The following TRAF7 variants were observed in gnomAD, a reference collection of about 807,000 sequenced individuals.
TRAF7 encodes the protein E3 ubiquitin-protein ligase TRAF7.
Under a neutral mutation model 89.3 loss-of-function variants are expected in TRAF7, and 45 were observed. The observed-to-expected ratio is 0.50, with a 90% CI of 0.40 to 0.65. TRAF7 has a LOEUF of 0.65. Among genes scored for constraint, TRAF7 ranks in the 30% least tolerant of loss-of-function variants. The probability of loss-of-function intolerance (pLI) is 0.00; values close to 1 mark genes in which losing one functional copy is unlikely to be tolerated. For missense variants in TRAF7, 677 were observed against 918.1 expected (o/e 0.74, Z 3.39); for synonymous variants, 406 against 369.2 (o/e 1.10, Z -1.14).
Position 2,168,058 on chromosome 16 carries a change from C to G in TRAF7, c.140-19C>G. ...GCTGAGGGAGCCCCCACTGAGACGC[C>G]AGCCCTCTTGCCTTGCAGCTGACGG... On this transcript the variant is annotated intron_variant, in intron 3 of 20. Coordinates refer to ENST00000326181, the MANE Select transcript of TRAF7 (RefSeq NM_032271.3). This position sits in a 1 kb window ranked among gnomAD's most constrained non-coding sequence, Gnocchi z 4.1. 2 of 1,608,882 alleles carry G rather than the reference C, an allele frequency of 1.2e-6. No homozygotes were observed. The highest frequency in any genetic ancestry group is 1.7e-6 in the Non-Finnish European group (2 of 1,179,270).
Position 2,162,161 on chromosome 16 carries a change from C to T in TRAF7, c.-38-1722C>T, listed in dbSNP as rs2093060577. Among the ~76,000 whole-genome samples, 1 of 152,220 alleles carries T rather than the reference C, an allele frequency of 6.6e-6. No homozygotes were observed. Among genetic ancestry groups the T allele is most frequent in the Admixed American group, 6.5e-5 (1 of 15,290 alleles). On this transcript the variant is annotated intron_variant, in intron 1 of 20. Coordinates refer to ENST00000326181, the MANE Select transcript of TRAF7 (RefSeq NM_032271.3). This position sits in a 1 kb window ranked among gnomAD's most constrained non-coding sequence, Gnocchi z 5.0. ...AGGGGCTGAGATGTCGGGTTGAGCC[C>T]GAGTCCTGAAGGCTGAGTGGCTCCA...
In TRAF7 at chr16:2,161,794, G is replaced by C. The variant is rs368058373; in HGVS notation, c.-38-2089G>C. ...AGCACAATGGCAAAAGGCAAGCCCT[G>C]GCCAGCTCTCCCCGACCTTCCTGCC... is the stretch of plus-strand genomic sequence containing the variant. On this transcript the variant is annotated intron_variant, in intron 1 of 20. Coordinates refer to ENST00000326181, the MANE Select transcript of TRAF7 (RefSeq NM_032271.3). The surrounding 1 kb of genome is among the most constrained non-coding windows in gnomAD (Gnocchi z 5.2). Among the ~76,000 whole-genome samples the C allele has an allele frequency of 7.9e-5, 12 of 152,304 alleles. No individual in the cohort carries two copies. Among genetic ancestry groups the C allele is most frequent in the South Asian group, 6.2e-4 (3 of 4,828 alleles).
chr16:2,170,663 C>T lies in TRAF7; in HGVS notation c.281C>T (p.Ser94Phe). ...TCCGACTCCGCCATCTCTGTCCGCTCCCTGCACTCAGAGTCCAGCATGTCT... is the reference window on the plus strand; with the variant it reads ...TCCGACTCCGCCATCTCTGTCCGCTTCCTGCACTCAGAGTCCAGCATGTCT... The part of the protein sequence containing the change: ...RRSDSAISVR[S>F]LHSESSMSLR... The change falls in exon 5 of 21, where the codon TCC (serine) becomes TTC (phenylalanine). Residue 94 changes from serine to phenylalanine, a missense_variant. Physicochemically the swap from Ser to Phe is radical, Grantham distance 155. This residue lies in a region of TRAF7 where 240 missense variants were observed against 191.9 expected (regional missense o/e 1.25). Coordinates refer to ENST00000326181, the MANE Select transcript of TRAF7 (RefSeq NM_032271.3). 2 of 1,610,438 alleles carry T rather than the reference C, an allele frequency of 1.2e-6. No individual in the cohort carries two copies. Among genetic ancestry groups the T allele is most frequent in the Non-Finnish European group, 1.7e-6 (2 of 1,178,790 alleles).
chr16:2,166,334 G>A (rs1596672737), intron 3 of TRAF7, among the ~76,000 whole-genome samples: 1 of 152,330 alleles, frequency 6.6e-6, no homozygotes, highest in African/African-American at 2.4e-5. Context: ...TCTTGAGTTT[G>A]GCCCTAGGGC....
chr16:2,167,817 G>A (rs2141279279), intron 3 of TRAF7, among the ~76,000 whole-genome samples: 1 of 152,248 alleles, frequency 6.6e-6, no homozygotes, highest in Non-Finnish European at 1.5e-5. Flanking sequence ...GGCAGGGCTG[G>A]GGCAGGGGCT....
intron 2 of TRAF7, among the ~76,000 whole-genome samples, chr16:2,164,575 T>C (rs1293666522): frequency 1.5e-5 from 2 of 132,404 alleles, no homozygotes; most frequent in Admixed American, 1.5e-4. Context: ...TGGTTAAGCA[T>C]GTTAGTGCTA....
chr16:2,164,385 G>C (rs113962335), intron 2 of TRAF7, among the ~76,000 whole-genome samples: 2,429 of 146,954 alleles, frequency 0.017, 85 homozygotes, highest in African/African-American at 0.058. Context: ...GTGCTGCGTG[G>C]TGCGGCCTGG....
chr16:2,172,131 CCCGG>C, intron 7 of TRAF7, 56 bp from the exon 8 acceptor site: 1 of 1,600,788 alleles, frequency 6.2e-7, no homozygotes, highest in Non-Finnish European at 8.5e-7. Context: ...CTCATGCCCA[CCCGG>C]GTGAGGGAGC....
At chr16:2,173,712 A>C (rs2093123147) in intron 11 of TRAF7, 76 bp from the exon 12 acceptor site, 1 of 1,589,278 alleles carries the variant, frequency 6.3e-7, no homozygotes. Flanking sequence ...GGCCCAGGGC[A>C]GCAGGGGCAG....
intron 1 of TRAF7, among the ~76,000 whole-genome samples, chr16:2,157,211 G>A (rs1267701089): frequency 6.6e-5 from 10 of 151,992 alleles, no homozygotes; most frequent in Admixed American, 5.9e-4. Flanking sequence ...CCTCTCTGTT[G>A]CGAATATCCT....
chr16:2,163,937 G>A lies in TRAF7; in HGVS notation c.17G>A (p.Ser6Asn). MSSGK[S>N]ARYNRFSGGP... ...CTCTAGAGCATGAGCTCAGGCAAGAGTGCCCGCTACAACCGCTTCTCCGGG... is the reference window on the plus strand; with the variant it reads ...CTCTAGAGCATGAGCTCAGGCAAGAATGCCCGCTACAACCGCTTCTCCGGG... Residue 6 changes from serine (S) to asparagine (N), a missense_variant, in exon 2 of 21, where the codon AGT (serine) becomes AAT (asparagine). This residue lies in a region of TRAF7 where 240 missense variants were observed against 191.9 expected (regional missense o/e 1.25). Transcript: ENST00000326181. The surrounding 1 kb of genome is among the most constrained non-coding windows in gnomAD (Gnocchi z 4.3). 1 of 1,612,794 alleles carries A rather than the reference G, an allele frequency of 6.2e-7. No homozygotes were observed. Among genetic ancestry groups the A allele is most frequent in the South Asian group, 1.1e-5 (1 of 90,970 alleles).
At chr16:2,172,744 C>T in intron 9 of TRAF7, 145 bp downstream of exon 9, 1 of 1,112,562 alleles carries the variant, frequency 9.0e-7, no homozygotes, top group African/African-American at 1.6e-5. Flanking sequence ...AGGCCCAAGG[C>T]CCTGGAAACC....
chr16:2,175,109 A>G lies in TRAF7; in HGVS notation c.1347-2A>G. 6.2e-7 allele frequency: 1 copy of G among 1,613,850 alleles called. No individual in the cohort carries two copies. ...CTTGACACATTGTCTCTGCTTCCCC[A>G]GGTGCAAACTCTACAGCGGCTCTGC... is the stretch of plus-strand genomic sequence containing the variant. On this transcript the variant is annotated splice_acceptor_variant, in intron 14 of 20. Transcript: ENST00000326181. LOFTEE classifies it high-confidence loss of function.
Position 2,172,249 on chromosome 16 carries a change from C to A in TRAF7, c.534C>A (p.Ala178=). Residue 178 remains alanine (A), a synonymous_variant, in exon 8 of 21, where the codon GCC becomes GCA. Transcript: ENST00000326181. ...LTVVVNNIAV[A]EQIGELFIHC... Reference sequence around the variant, plus strand: ...TGGTGGTGAACAACATCGCGGTGGCCGAGCAGATCGGGGAGCTCTTCATCC... The same window carrying A: ...TGGTGGTGAACAACATCGCGGTGGCAGAGCAGATCGGGGAGCTCTTCATCC... 6.2e-7 allele frequency: 1 copy of A among 1,613,012 alleles called. No homozygotes were observed. The highest frequency in any genetic ancestry group is 8.5e-7 in the Non-Finnish European group (1 of 1,179,988).
At chr16:2,165,357 G>T (rs1273954946) in intron 2 of TRAF7, among the ~76,000 whole-genome samples, 19 of 128,286 alleles carry the variant, frequency 1.5e-4, no homozygotes, top group East Asian at 2.4e-4. Context: ...TTAAGCGTGT[G>T]AGTGCTGCGT....
chr16:2,173,859 T>TGGGCCCCCCCCCCCCCCC, intron 12 of TRAF7, 23 bp downstream of exon 12: 1 of 1,246,254 alleles, frequency 8.0e-7, no homozygotes, highest in Non-Finnish European at 1.1e-6. Flanking sequence ...CCGCCGTGGC[T>TGGGCCCCCCCCCCCCCCC]CCCGCCCACC....
chr16:2,175,875 G>A lies in TRAF7; in HGVS notation c.1668G>A (p.Gln556=), dbSNP rs117821778. The A allele has an allele frequency of 2.0e-3, 3,203 of 1,613,586 alleles. 6 individuals are homozygous for A. Among genetic ancestry groups the A allele is most frequent in the Non-Finnish European group, 2.3e-3 (2,744 of 1,179,988 alleles). ...IRTLDCIHVL[Q]TSGGSVYSIA... ...CCCTTGACTGCATCCACGTCCTGCA[G>A]ACGTCTGGTGGCAGCGTCTACTCCA... The change falls in exon 18 of 21, where the codon CAG becomes CAA. Residue 556 remains glutamine (Q), a synonymous_variant. Coordinates refer to ENST00000326181, the MANE Select transcript of TRAF7 (RefSeq NM_032271.3).
chr16:2,173,088 G>T (rs1741138456), intron 9 of TRAF7, 94 bp from the exon 10 acceptor site: 14 of 1,210,282 alleles, frequency 1.2e-5, no homozygotes, highest in Non-Finnish European at 1.5e-5. Flanking sequence ...CTGGGGTGCA[G>T]CGGCCACAGG....
Position 2,172,468 on chromosome 16 carries a change from C to A in TRAF7, c.663C>A (p.Asp221Glu), listed in dbSNP as rs748044013. 6.2e-7 allele frequency: 1 copy of A among 1,610,316 alleles called. No homozygotes were observed. The highest frequency in any genetic ancestry group is 1.3e-5 in the African/African-American group (1 of 74,904). The part of the protein sequence containing the change: ...PFTIKLSARK[D>E]HEGSCDYRPV... ...CCCGCATCCCGCCCTGGCACAGGGACCACGAGGGCAGCTGTGACTACAGGC... is the reference window on the plus strand; with the variant it reads ...CCCGCATCCCGCCCTGGCACAGGGAACACGAGGGCAGCTGTGACTACAGGC... Residue 221 changes from aspartate (D) to glutamate (E), a missense_variant, in exon 9 of 21, where the codon GAC becomes GAA. Coordinates refer to ENST00000326181, the MANE Select transcript of TRAF7 (RefSeq NM_032271.3).
Sources: allele counts gnomAD v4.1 joint callset (sites outside exome capture counted in the v4.1 genomes callset), GRCh38; gene constraint gnomAD v4.1.1; regional missense constraint gnomAD v4.1.1; non-coding constraint Gnocchi (gnomAD v3.1); transcripts MANE v1.5; gene names NCBI Gene and HGNC (gene_info 2026-07-23, HGNC 2026-07-21).